The following BICRA variants were observed in gnomAD, a reference collection of about 807,000 sequenced individuals.
The protein encoded by BICRA is BRD4 interacting chromatin remodeling complex associated protein.
A neutral mutation model predicts 96.9 loss-of-function variants in BICRA; 31 were observed. The ratio of observed to expected loss-of-function variants is 0.32; its 90% CI spans 0.24 to 0.43. The LOEUF (loss-of-function observed/expected upper bound fraction) is 0.43, where lower values mean the gene tolerates loss of function less well. Ranked by LOEUF, BICRA falls within the 20% of genes least tolerant of loss-of-function variation. The pLI is 1.00. For missense variants in BICRA, 2,283 were observed against 2,190.3 expected (o/e 1.04, Z -0.84); for synonymous variants, 1,350 against 1,071.8 (o/e 1.26, Z -5.07).
At chr19:47,667,594 G>A (rs946453885) in intron 1 of BICRA, among the ~76,000 whole-genome samples, 1 of 152,080 alleles carries the variant, frequency 6.6e-6, no homozygotes, top group Admixed American at 6.6e-5. Flanking sequence ...CAGGGCACCC[G>A]CATTCCAGAG....
At chr19:47,681,848 C>T in intron 6 of BICRA, 128 bp from the exon 7 acceptor site, 2 of 683,476 alleles carry the variant, frequency 2.9e-6, no homozygotes, top group Non-Finnish European at 2.4e-6. Flanking sequence ...TGGCACCCTG[C>T]CTGCCAGGCT....
At chr19:47,609,535 C>T in intron 1 of BICRA, among the ~76,000 whole-genome samples, 1 of 151,634 alleles carries the variant, frequency 6.6e-6, no homozygotes, top group Non-Finnish European at 1.5e-5. Context: ...CCCGGCCCTC[C>T]CGCCGGCTGC....
At chr19:47,635,039 G>A (rs1305405700) in intron 1 of BICRA, among the ~76,000 whole-genome samples, 1 of 152,104 alleles carries the variant, frequency 6.6e-6, no homozygotes, top group Admixed American at 6.6e-5. Context: ...TGGGATTACA[G>A]GCGTGAGCCA....
chr19:47,701,406 G>T lies in BICRA; in HGVS notation c.3674G>T (p.Gly1225Val). The change falls in exon 15 of 15, where the codon GGC becomes GTC. Residue 1225 changes from glycine to valine, a missense_variant. Gly to Val is a moderately radical substitution (Grantham distance 109, BLOSUM62 -3). Coordinates refer to ENST00000594866, the MANE Select transcript of BICRA (RefSeq NM_001394372.1). This position sits in a 1 kb window ranked among gnomAD's most constrained non-coding sequence, Gnocchi z 5.4. Reference sequence around the variant, plus strand: ...GAGGGTCATCGGCTTCCCGGCCACGGCCCCCTGTCGTCTTCAGCTCCCGGG... The same window carrying T: ...GAGGGTCATCGGCTTCCCGGCCACGTCCCCCTGTCGTCTTCAGCTCCCGGG... ...SSEGHRLPGH[G>V]PLSSSAPGAS... is the part of the protein sequence containing the mutation. The T allele has an allele frequency of 1.3e-6, 2 of 1,599,770 alleles. No individual in the cohort carries two copies. The highest frequency in any genetic ancestry group is 1.1e-5 in the South Asian group (1 of 89,152).
At chr19:47,693,744 C>T (rs1031763497) in intron 7 of BICRA, among the ~76,000 whole-genome samples, 1 of 152,144 alleles carries the variant, frequency 6.6e-6, no homozygotes, top group Non-Finnish European at 1.5e-5. Context: ...GTGTGGTGCC[C>T]CTGCTGCCAC....
rs1660358887 is a variant in BICRA at position 47,701,561 on chromosome 19, G to T, written c.3829G>T (p.Ala1277Ser). The part of the protein sequence containing the change: ...SLSSSSSSSS[A>S]ASSLDADEDG... ...GTCCTCCTCTTCCTCCTCCTCCTCT[G>T]CCGCCTCCTCCTTGGACGCCGACGA... Residue 1277 changes from alanine to serine, a missense_variant, in exon 15 of 15, where the codon GCC becomes TCC. Ala to Ser is a moderately conservative substitution (Grantham distance 99). Coordinates refer to ENST00000594866, the MANE Select transcript of BICRA (RefSeq NM_001394372.1). The surrounding 1 kb of genome is among the most constrained non-coding windows in gnomAD (Gnocchi z 5.4). 6.4e-7 allele frequency: 1 copy of T among 1,551,556 alleles called. No individual in the cohort carries two copies.
Position 47,702,553 on chromosome 19 carries a change from GCCT to G in BICRA, c.*142_*144del. 1 of 1,025,554 alleles carries G rather than the reference GCCT, an allele frequency of 9.8e-7. No individual in the cohort carries two copies. 63.5% of individuals were successfully genotyped at this position (1,025,554 alleles called of 1,614,324 possible). A position where few individuals can be genotyped will look rare whatever the true frequency, so the allele number is the denominator to read the frequency against. ...TGCCTAAGTTATTTGAGTCACAAAG[GCCT>G]CCTTCCCTGCCGCCTGCTTCAGCTG... On this transcript the variant is annotated 3_prime_UTR_variant, in exon 15 of 15. Coordinates refer to ENST00000594866, the MANE Select transcript of BICRA (RefSeq NM_001394372.1).
chr19:47,629,875 C>T (rs145181507), intron 1 of BICRA, among the ~76,000 whole-genome samples: 2 of 152,152 alleles, frequency 1.3e-5, no homozygotes, highest in Non-Finnish European at 2.9e-5. Context: ...CCAGCGTGGT[C>T]TCTAACTCCT....
At position 47,684,737 on chromosome 19, in the gene BICRA, G is replaced by A. The variant is rs549561077; in HGVS notation, c.2283+2585G>A. ...TTAGCTTGCCCAAGGTTGCACAGCT[G>A]GCAAATGGTAGGGCCTGGATTAAAA... On this transcript the variant is annotated intron_variant, in intron 7 of 14. Coordinates refer to ENST00000594866, the MANE Select transcript of BICRA (RefSeq NM_001394372.1). 2.0e-5 allele frequency among the ~76,000 whole-genome samples: 3 copies of A among 152,290 alleles called. No homozygotes were observed. The South Asian group carries it at 6.2e-4, about 32-fold the overall frequency.
chr19:47,632,915 C>A (rs1234563143), intron 1 of BICRA, among the ~76,000 whole-genome samples: 1 of 152,030 alleles, frequency 6.6e-6, no homozygotes, highest in Non-Finnish European at 1.5e-5. Flanking sequence ...TAAATGACAG[C>A]AGAGTCTGCC....
intron 1 of BICRA, among the ~76,000 whole-genome samples, chr19:47,661,468 G>C (rs770203749): frequency 3.3e-5 from 5 of 152,042 alleles, no homozygotes; most frequent in Non-Finnish European, 7.4e-5. Flanking sequence ...GCCAGAGGGA[G>C]CCGGGCCGGG....
chr19:47,620,214 AGG>A lies in BICRA; in HGVS notation c.-108+11048_-108+11049del, dbSNP rs1361221729. ...AGGCTCCAAACTGCAGAAGATGAGA[AGG>A]GAGGGCTGTGTTTCCTGTGTTCTCA... is the stretch of plus-strand genomic sequence containing the variant. On this transcript the variant is annotated intron_variant, in intron 1 of 14. Transcript: ENST00000594866. Among the ~76,000 whole-genome samples the A allele has an allele frequency of 7.9e-5, 12 of 152,276 alleles. No individual in the cohort carries two copies. The East Asian group carries it at 2.1e-3, about 27-fold the overall frequency.
At chr19:47,608,310 C>A (rs1403713846), upstream of BICRA, 1 of 152,404 alleles carries the variant, frequency 6.6e-6, no homozygotes, top group Non-Finnish European at 1.5e-5. Flanking sequence ...GCCTGGGGTC[C>A]CGGCCTGTCA....
chr19:47,648,688 T>G (rs375730235), intron 1 of BICRA, among the ~76,000 whole-genome samples: 10,380 of 148,942 alleles, frequency 0.07, 551 homozygotes, highest in African/African-American at 0.14. Flanking sequence ...TGTTTGTTTT[T>G]TTTTTTTTGA....
chr19:47,682,917 C>T (rs1973089305), intron 7 of BICRA, among the ~76,000 whole-genome samples: 1 of 152,140 alleles, frequency 6.6e-6, no homozygotes, highest in Non-Finnish European at 1.5e-5. Context: ...AGTGATCCGC[C>T]CGCCTCAGCC....
At position 47,690,121 on chromosome 19, in the gene BICRA, C is replaced by T. The variant is rs183632174; in HGVS notation, c.2284-3994C>T. Among the ~76,000 whole-genome samples the T allele has an allele frequency of 2.0e-3, 304 of 152,168 alleles. 4 individuals carry two copies. Among genetic ancestry groups the T allele is most frequent in the Non-Finnish European group, 3.1e-3 (210 of 68,000 alleles). On this transcript the variant is annotated intron_variant, in intron 7 of 14. Coordinates refer to ENST00000594866, the MANE Select transcript of BICRA (RefSeq NM_001394372.1). ...GGTTCAAGCAATTCTCCTGACTCAG[C>T]CTCCCTAGTAGCTGGGATTACAGGT...
intron 11 of BICRA, among the ~76,000 whole-genome samples, chr19:47,697,020 T>G (rs1973355885): frequency 6.6e-6 from 1 of 151,704 alleles, no homozygotes; most frequent in Non-Finnish European, 1.5e-5. Flanking sequence ...TAGGGGGGGT[T>G]CTTTGAGCCA....
intron 1 of BICRA, among the ~76,000 whole-genome samples, chr19:47,610,902 C>T (rs951415903): frequency 6.6e-6 from 1 of 152,118 alleles, no homozygotes; most frequent in Non-Finnish European, 1.5e-5. Context: ...GACATGTTGA[C>T]CTCCCTTGCC....
At chr19:47,611,262 G>A (rs773254174) in intron 1 of BICRA, among the ~76,000 whole-genome samples, 2 of 151,890 alleles carry the variant, frequency 1.3e-5, no homozygotes, top group Non-Finnish European at 2.9e-5. Flanking sequence ...TTTAGAAGAA[G>A]CGGCCAGATT....
Sources: gnomAD v4.1 joint callset for allele counts (sites outside exome capture counted in the v4.1 genomes callset) on GRCh38, gnomAD v4.1.1 for gene constraint, Gnocchi (gnomAD v3.1) non-coding constraint, MANE v1.5 for transcripts, NCBI Gene and HGNC (gene_info 2026-07-23, HGNC 2026-07-21) for gene names.